Variants in CAPZA1 observed in about 807,000 individuals in gnomAD.
CAPZA1 encodes F-actin-capping protein subunit alpha-1.
In CAPZA1, 10 loss-of-function variants were observed where a neutral mutation model predicts 40.8. That is an observed-to-expected ratio of 0.25 (90% confidence interval 0.15 to 0.42). The LOEUF (loss-of-function observed/expected upper bound fraction) is 0.42, where lower values mean the gene tolerates loss of function less well. Ranked by LOEUF, CAPZA1 falls within the 10% of genes least tolerant of loss-of-function variation. The pLI is 1.00. For synonymous variants in CAPZA1, 98 were observed against 115.0 expected, an observed-to-expected ratio of 0.85 and a Z score of 0.95; for missense variants, 277 against 353.8, an observed-to-expected ratio of 0.78 and a Z score of 1.74.
At chr1:112,652,318 C>G (rs961209912) in intron 3 of CAPZA1, among the ~76,000 whole-genome samples, 6 of 151,352 alleles carry the variant, frequency 4.0e-5, no homozygotes, top group East Asian at 2.0e-4. Flanking sequence ...CCAGTCTCTA[C>G]TAAATATACA....
intron 1 of CAPZA1, among the ~76,000 whole-genome samples, chr1:112,632,160 C>T (rs1365940490): frequency 1.3e-5 from 2 of 152,080 alleles, no homozygotes; most frequent in East Asian, 1.9e-4. Context: ...CAAAAATTAG[C>T]AGAGCCTGGT....
intron 1 of CAPZA1, chr1:112,620,509 T>G (rs1478586437): frequency 6.6e-6 from 1 of 152,302 alleles, no homozygotes; most frequent in African/African-American, 2.4e-5. Flanking sequence ...CTTCAGAATT[T>G]GAACACCAGT....
Position 112,671,353 on chromosome 1 carries a change from C to T in CAPZA1, c.*1221C>T, listed in dbSNP as rs1671830092. 6.6e-6 allele frequency: 1 copy of T among 152,544 alleles called. No individual in the cohort carries two copies. The highest frequency in any genetic ancestry group is 2.4e-5 in the African/African-American group (1 of 41,412). 9.4% of individuals were successfully genotyped at this position (152,544 alleles called of 1,614,324 possible). On this transcript the variant is annotated 3_prime_UTR_variant, in exon 10 of 10. Transcript: ENST00000263168. ...CTATGACCAGGCCTTAAGGGAAGGT[C>T]AGTTTTTTAAAAAACCAAGTAGTGT...
intron 5 of CAPZA1, among the ~76,000 whole-genome samples, chr1:112,658,763 T>C (rs1406996434): frequency 6.6e-6 from 1 of 152,252 alleles, no homozygotes; most frequent in East Asian, 1.9e-4. Context: ...CTGTCTTGTA[T>C]GACCCAGCCT....
intron 1 of CAPZA1, among the ~76,000 whole-genome samples, chr1:112,625,307 T>C (rs1279847329): frequency 6.6e-6 from 1 of 152,170 alleles, no homozygotes; most frequent in Admixed American, 6.5e-5. Context: ...GGTGTATATA[T>C]ATACTTGGAG....
At chr1:112,631,613 G>A (rs537917222) in intron 1 of CAPZA1, among the ~76,000 whole-genome samples, 101 of 152,264 alleles carry the variant, frequency 6.6e-4, no homozygotes, top group Admixed American at 2.6e-3. Flanking sequence ...TCCCACTGCT[G>A]CTTTTTCCAT....
rs1671461677 is a variant in CAPZA1 at position 112,654,605 on chromosome 1, G to C, written c.360G>C (p.Trp120Cys). The part of the protein sequence containing the change: ...PEEADGGLKS[W>C]RESCDSALRA... ...AAGCAGATGGAGGTCTGAAGTCTTG[G>C]AGAGAATCCTGTGACAGTGCTTTAA... Residue 120 changes from tryptophan to cysteine, a missense_variant, in exon 5 of 10, where the codon TGG becomes TGC. Coordinates refer to ENST00000263168, the MANE Select transcript of CAPZA1 (RefSeq NM_006135.3). 2 of 1,614,002 alleles carry C rather than the reference G, an allele frequency of 1.2e-6. No homozygotes were observed. The highest frequency in any genetic ancestry group is 1.7e-6 in the Non-Finnish European group (2 of 1,179,912).
intron 1 of CAPZA1, among the ~76,000 whole-genome samples, chr1:112,622,476 G>T (rs1670695509): frequency 6.6e-6 from 1 of 152,142 alleles, no homozygotes; most frequent in African/African-American, 2.4e-5. Flanking sequence ...CTATAATTAG[G>T]AATCCTGAAA....
intron 1 of CAPZA1, among the ~76,000 whole-genome samples, chr1:112,627,371 G>A (rs1323629002): frequency 6.6e-6 from 1 of 152,220 alleles, no homozygotes; most frequent in East Asian, 1.9e-4. Flanking sequence ...ATGGCCAGGT[G>A]CGGTGGTTCA....
At position 112,655,153 on chromosome 1, in the gene CAPZA1, T is replaced by C. The variant is rs116148372; in HGVS notation, c.426+482T>C. On this transcript the variant is annotated intron_variant, in intron 5 of 9. Coordinates refer to ENST00000263168, the MANE Select transcript of CAPZA1 (RefSeq NM_006135.3). ...TTACACAAACTACTTCTACATAGTT[T>C]AGATGTTTATATTCAGTAATCAAAA... Among the ~76,000 whole-genome samples the C allele has an allele frequency of 1.8e-3, 276 of 152,296 alleles. 2 individuals are homozygous for C. The highest frequency in any genetic ancestry group is 3.7e-3 in the South Asian group (18 of 4,830).
intron 7 of CAPZA1, among the ~76,000 whole-genome samples, chr1:112,664,895 A>G (rs2101189717): frequency 6.6e-6 from 1 of 152,274 alleles, no homozygotes; most frequent in South Asian, 2.1e-4. Context: ...AGATCGTGCC[A>G]TTGCACTCCA....
At chr1:112,642,948 A>T (rs781727177) in intron 1 of CAPZA1, among the ~76,000 whole-genome samples, 131 of 152,216 alleles carry the variant, frequency 8.6e-4, no homozygotes, top group Admixed American at 2.0e-3. Flanking sequence ...TACTTTTTTG[A>T]TAGTGTGTGA....
intron 1 of CAPZA1, among the ~76,000 whole-genome samples, chr1:112,641,851 C>T (rs1359036554): frequency 2.0e-5 from 3 of 147,680 alleles, no homozygotes; most frequent in Admixed American, 6.8e-5. Flanking sequence ...ATTGTGCTGC[C>T]GCACTCCAGC....
intron 4 of CAPZA1, 83 bp downstream of exon 4, chr1:112,653,744 G>T: frequency 1.1e-6 from 1 of 900,888 alleles, no homozygotes; most frequent in African/African-American, 1.7e-5. Flanking sequence ...GTCTGAACCA[G>T]GTGCTGAATA....
chr1:112,653,792 A>G (rs961800074), intron 4 of CAPZA1, 131 bp downstream of exon 4: 6 of 624,188 alleles, frequency 9.6e-6, no homozygotes, highest in South Asian at 4.7e-5. Context: ...TGTGTACTGT[A>G]CGTGTTAGGA....
chr1:112,623,334 A>G (rs748105459), intron 1 of CAPZA1, among the ~76,000 whole-genome samples: 18 of 152,190 alleles, frequency 1.2e-4, no homozygotes, highest in Non-Finnish European at 2.9e-5. Context: ...TCATTCTTCC[A>G]TCTTCACTTT....
rs56343358 is a variant in CAPZA1, at chr1:112,656,440, A to ATTTTTTTTTT, written c.426+1786_426+1795dup. On this transcript the variant is annotated intron_variant, in intron 5 of 9. Coordinates refer to ENST00000263168, the MANE Select transcript of CAPZA1 (RefSeq NM_006135.3). ...GTTAGGCTAGGTGTCATTATGTTTG[A>ATTTTTTTTTT]TTTTTTTTTTTTTTTTTTTTTTTTT... Among the ~76,000 whole-genome samples the ATTTTTTTTTT allele has an allele frequency of 1.3e-4, 6 of 45,768 alleles. 2 individuals are homozygous for ATTTTTTTTTT. Among genetic ancestry groups the ATTTTTTTTTT allele is most frequent in the Admixed American group, 7.6e-4 (2 of 2,638 alleles). 30.0% of individuals were successfully genotyped at this position (45,768 alleles called of 152,430 possible).
intron 8 of CAPZA1, among the ~76,000 whole-genome samples, 157 bp from the exon 9 acceptor site, chr1:112,669,386 G>A (rs537010928): frequency 6.6e-6 from 1 of 152,264 alleles, no homozygotes; most frequent in South Asian, 2.1e-4. Flanking sequence ...CTTCCATAGA[G>A]TTGTTGTGAG....
intron 1 of CAPZA1, among the ~76,000 whole-genome samples, chr1:112,645,279 A>G (rs1013631167): frequency 2.0e-5 from 3 of 152,248 alleles, no homozygotes; most frequent in Non-Finnish European, 2.9e-5. Flanking sequence ...ATCAAATTCA[A>G]TGAGGATAGG....
Sources: gnomAD v4.1 joint callset for allele counts (sites outside exome capture counted in the v4.1 genomes callset) on GRCh38, gnomAD v4.1.1 for gene constraint, MANE v1.5 for transcripts, NCBI Gene and HGNC (gene_info 2026-07-23, HGNC 2026-07-21) for gene names.